Variants in PC observed in about 807,000 individuals in gnomAD.
The protein encoded by PC is pyruvate carboxylase, also known as pyruvate carboxylase, mitochondrial.
Under a neutral mutation model 107.8 loss-of-function variants are expected in PC, and 46 were observed. The observed-to-expected ratio is 0.43, with a 90% CI of 0.34 to 0.55. PC has a LOEUF of 0.55. PC is among the 20% of genes least tolerant of loss of function. The pLI is 0.04. For missense variants in PC, 1,241 were observed against 1,643.1 expected (o/e 0.76, Z 4.23); for synonymous variants, 662 against 684.7 (o/e 0.97, Z 0.52).
intron 3 of PC, among the ~76,000 whole-genome samples, chr11:66,893,457 A>G (rs1485563654): frequency 1.3e-5 from 2 of 152,180 alleles, no homozygotes; most frequent in African/African-American, 4.8e-5. Context: ...CTGGTGTCCA[A>G]GTACTTAATT....
At chr11:66,920,104 T>C (rs1401498905) in intron 3 of PC, among the ~76,000 whole-genome samples, 1 of 152,094 alleles carries the variant, frequency 6.6e-6, no homozygotes, top group African/African-American at 2.4e-5. Flanking sequence ...GAAGGCTGTG[T>C]AAGTGATGAG....
At chr11:66,907,155 C>G (rs1442259829) in intron 3 of PC, among the ~76,000 whole-genome samples, 1 of 152,236 alleles carries the variant, frequency 6.6e-6, no homozygotes, top group Non-Finnish European at 1.5e-5. Flanking sequence ...TTTCCCTCAA[C>G]TGTCACCATC....
intron 3 of PC, among the ~76,000 whole-genome samples, chr11:66,940,734 C>T (rs1949110161): frequency 6.6e-6 from 1 of 151,184 alleles, no homozygotes; most frequent in South Asian, 2.1e-4. Context: ...AGGCAAAGGA[C>T]TTGAACAGAC....
chr11:66,875,464 G>A (rs1169466660), intron 3 of PC, among the ~76,000 whole-genome samples: 4 of 152,098 alleles, frequency 2.6e-5, no homozygotes, highest in Non-Finnish European at 5.9e-5. Context: ...TCACAGGGGC[G>A]GTGGTGTCTG....
intron 3 of PC, among the ~76,000 whole-genome samples, chr11:66,914,999 T>C (rs1421698142): frequency 6.6e-6 from 1 of 152,056 alleles, no homozygotes; most frequent in African/African-American, 2.4e-5. Context: ...GCCACTGCAC[T>C]CCAGCCTGGG....
intron 3 of PC, among the ~76,000 whole-genome samples, chr11:66,911,946 T>C (rs1948344790): frequency 1.3e-5 from 2 of 151,124 alleles, no homozygotes; most frequent in African/African-American, 4.9e-5. Context: ...GGCAGGAGAA[T>C]CCCTCGAACC....
intron 10 of PC, among the ~76,000 whole-genome samples, chr11:66,868,157 T>C (rs1236232602): frequency 6.6e-6 from 1 of 152,258 alleles, no homozygotes; most frequent in Non-Finnish European, 1.5e-5. Context: ...ATAATCCTGT[T>C]GAAGGGTTTA....
intron 3 of PC, among the ~76,000 whole-genome samples, chr11:66,945,129 G>A (rs1236776829): frequency 8.6e-6 from 1 of 116,660 alleles, no homozygotes; most frequent in Non-Finnish European, 1.9e-5. Context: ...GTAACCAGGC[G>A]TGATCAGAAA....
intron 11 of PC, among the ~76,000 whole-genome samples, chr11:66,864,777 C>A (rs988351354): frequency 6.6e-6 from 1 of 152,208 alleles, no homozygotes; most frequent in Non-Finnish European, 1.5e-5. Flanking sequence ...GTGGCTCGTG[C>A]CGCCTGCACC....
At chr11:66,911,215 G>A (rs1281720350) in intron 3 of PC, among the ~76,000 whole-genome samples, 2 of 152,186 alleles carry the variant, frequency 1.3e-5, no homozygotes, top group Non-Finnish European at 2.9e-5. Context: ...CAAGCTCAGG[G>A]AGGCTAAGAA....
Position 66,870,633 on chromosome 11 carries a change from G to C in PC, c.751+142C>G. 3.6e-6 allele frequency: 4 copies of C among 1,121,014 alleles called. No homozygotes were observed. The highest frequency in any genetic ancestry group is 5.3e-6 in the Non-Finnish European group (4 of 748,662). 69.4% of individuals were successfully genotyped at this position (1,121,014 alleles called of 1,614,324 possible). On this transcript the variant is annotated intron_variant, in intron 8 of 22. Transcript: ENST00000393960. The surrounding 1 kb of genome is among the most constrained non-coding windows in gnomAD (Gnocchi z 6.1). Reference sequence around the variant, plus strand: ...GGACCAACTGCCAGCTCGGCCCCTAGAGCCCACTTTCCAGAGTCCTCTGGA... The same window carrying C: ...GGACCAACTGCCAGCTCGGCCCCTACAGCCCACTTTCCAGAGTCCTCTGGA...
At chr11:66,939,782 C>A (rs1169492355) in intron 3 of PC, among the ~76,000 whole-genome samples, 3 of 74,134 alleles carry the variant, frequency 4.0e-5, no homozygotes, top group Admixed American at 2.3e-4. Flanking sequence ...CCAGCCTGGG[C>A]AACAAGAGCA....
At chr11:66,869,389 C>T (rs1194960515) in intron 9 of PC, among the ~76,000 whole-genome samples, 3 of 151,630 alleles carry the variant, frequency 2.0e-5, no homozygotes, top group East Asian at 2.0e-4. Context: ...TAGTCTACTG[C>T]GCAGTCACCT....
intron 3 of PC, among the ~76,000 whole-genome samples, chr11:66,947,671 C>G (rs1241903302): frequency 1.3e-5 from 2 of 152,024 alleles, no homozygotes; most frequent in African/African-American, 4.8e-5. Flanking sequence ...GAGTTCAAGA[C>G]AAGCCTAAGG....
intron 12 of PC, chr11:66,856,508 C>T (rs535055855): frequency 6.6e-6 from 1 of 152,586 alleles, no homozygotes; most frequent in Non-Finnish European, 1.5e-5. Context: ...CAGCCCCCCC[C>T]ACGGCCGAAC....
chr11:66,951,142 C>T (rs1021834045), intron 3 of PC, among the ~76,000 whole-genome samples: 2 of 152,114 alleles, frequency 1.3e-5, no homozygotes, highest in Non-Finnish European at 2.9e-5. Flanking sequence ...GGAAAACCCC[C>T]ACATAATGGG....
At position 66,924,369 on chromosome 11, in the gene PC, C is replaced by CAAAAAAA. The variant is rs71045970; in HGVS notation, c.-1+28054_-1+28060dup. On this transcript the variant is annotated intron_variant, in intron 3 of 22. Coordinates refer to ENST00000393960, the MANE Select transcript of PC (RefSeq NM_001040716.2). ...TAACATAGCAAGACCCCATCTCTAC[C>CAAAAAAA]AAAAAAAAAAAAAAAAAAAATTAGC... is the stretch of plus-strand genomic sequence containing the variant. 1.2e-4 allele frequency among the ~76,000 whole-genome samples: 8 copies of CAAAAAAA among 65,564 alleles called. 1 individual carries two copies. The highest frequency in any genetic ancestry group is 4.4e-4 in the East Asian group (1 of 2,248). The allele number at this position is 65,564 out of a possible 152,430, so 43.0% of individuals were successfully genotyped here. A position where few individuals can be genotyped will look rare whatever the true frequency, so the allele number is the denominator to read the frequency against.
intron 3 of PC, among the ~76,000 whole-genome samples, chr11:66,943,177 T>A (rs1227284097): frequency 6.6e-6 from 1 of 151,844 alleles, no homozygotes; most frequent in East Asian, 1.9e-4. Context: ...TGAGTAGGAT[T>A]AGCATCCTAA....
intron 3 of PC, among the ~76,000 whole-genome samples, chr11:66,925,598 TACAA>T (rs1169335528): frequency 6.6e-6 from 1 of 152,146 alleles, no homozygotes; most frequent in Non-Finnish European, 1.5e-5. Context: ...ACACATGCTC[TACAA>T]ACAATTTGTG....
Sources: gnomAD v4.1 joint callset for allele counts (sites outside exome capture counted in the v4.1 genomes callset) on GRCh38, gnomAD v4.1.1 for gene constraint, Gnocchi (gnomAD v3.1) non-coding constraint, MANE v1.5 for transcripts, NCBI Gene and HGNC (gene_info 2026-07-23, HGNC 2026-07-21) for gene names.